Variants in ZNF385B observed in about 807,000 individuals in gnomAD.
ZNF385B encodes zinc finger protein 533.
In ZNF385B, 23 loss-of-function variants were observed where a neutral mutation model predicts 39.2. The ratio of observed to expected loss-of-function variants is 0.59; its 90% confidence interval spans 0.42 to 0.83. ZNF385B has a LOEUF of 0.83. ZNF385B is among the 40% of genes least tolerant of loss of function. The probability of loss-of-function intolerance (pLI) is 0.00; values close to 1 mark genes in which losing one functional copy is unlikely to be tolerated. For synonymous variants in ZNF385B, 205 were observed against 222.6 expected, an observed-to-expected ratio of 0.92 and a Z score of 0.70; for missense variants, 552 against 598.9, an observed-to-expected ratio of 0.92 and a Z score of 0.82.
intron 1 of ZNF385B, among the ~76,000 whole-genome samples, chr2:179,803,252 A>G (rs1043522421): frequency 5.3e-5 from 8 of 152,160 alleles, no homozygotes. Context: ...GACACAGGGC[A>G]TATGTCTTCT....
At chr2:179,787,621 T>C (rs1479918743) in intron 1 of ZNF385B, among the ~76,000 whole-genome samples, 4 of 152,154 alleles carry the variant, frequency 2.6e-5, no homozygotes, top group Non-Finnish European at 4.4e-5. Context: ...TGTTAGACAC[T>C]AGTAAAATAT....
Position 179,443,466 on chromosome 2 carries a change from T to C in ZNF385B, c.1245A>G (p.Ala415=). ...TCATATCTTTCTGGAATGCAAGTTTTGCCTAAGGGAGGGAGAAAACCAGGA... is the reference window on the plus strand; with the variant it reads ...TCATATCTTTCTGGAATGCAAGTTTCGCCTAAGGGAGGGAGAAAACCAGGA... ...KLQRSPSILA[A]KLAFQKDMMK... is the part of the protein sequence containing the mutation. Residue 415 remains alanine (A), a splice_region_variant and synonymous_variant, in exon 10 of 10, where the codon GCA becomes GCG. Transcript: ENST00000410066. 1.3e-6 allele frequency: 2 copies of C among 1,591,930 alleles called. No homozygotes were observed. Among genetic ancestry groups the C allele is most frequent in the Non-Finnish European group, 1.7e-6 (2 of 1,168,614 alleles).
At chr2:179,680,671 C>CT (rs1045013120) in intron 3 of ZNF385B, among the ~76,000 whole-genome samples, 1 of 152,056 alleles carries the variant, frequency 6.6e-6, no homozygotes, top group African/African-American at 2.4e-5. Context: ...AAATATTCTT[C>CT]TTTTTTGACT....
At chr2:179,554,389 G>A (rs546431211) in intron 3 of ZNF385B, among the ~76,000 whole-genome samples, 1 of 148,940 alleles carries the variant, frequency 6.7e-6, no homozygotes, top group South Asian at 2.2e-4. Context: ...GTGTTTGAGG[G>A]GTATATATGG....
intron 1 of ZNF385B, among the ~76,000 whole-genome samples, chr2:179,803,541 A>G (rs963729677): frequency 3.3e-5 from 5 of 152,214 alleles, no homozygotes; most frequent in Non-Finnish European, 7.3e-5. Flanking sequence ...TGTCTAATTA[A>G]TGGAACAGCT....
chr2:179,633,452 C>T (rs114849642), intron 3 of ZNF385B, among the ~76,000 whole-genome samples: 5,620 of 152,202 alleles, frequency 0.037, 143 homozygotes, highest in Middle Eastern at 0.065. Context: ...ATGACAAAAA[C>T]ACCTGATTAT....
intron 3 of ZNF385B, among the ~76,000 whole-genome samples, chr2:179,599,518 TG>T (rs1433416103): frequency 2.0e-5 from 3 of 152,360 alleles, no homozygotes; most frequent in East Asian, 1.9e-4. Flanking sequence ...AAAATAAGAA[TG>T]TTTTTATAGT....
At chr2:179,718,601 T>C (rs1332946951) in intron 3 of ZNF385B, among the ~76,000 whole-genome samples, 1 of 150,172 alleles carries the variant, frequency 6.7e-6, no homozygotes, top group African/African-American at 2.4e-5. Context: ...TATACTTAAA[T>C]GTACTACTTT....
At chr2:179,557,950 A>G (rs1204473739) in intron 3 of ZNF385B, among the ~76,000 whole-genome samples, 1 of 152,142 alleles carries the variant, frequency 6.6e-6, no homozygotes, top group Non-Finnish European at 1.5e-5. Flanking sequence ...GGAAAAAAAG[A>G]GATGAACAAA....
intron 3 of ZNF385B, among the ~76,000 whole-genome samples, chr2:179,767,905 AAT>A (rs1025735550): frequency 6.7e-6 from 1 of 148,436 alleles, no homozygotes; most frequent in Non-Finnish European, 1.5e-5. Context: ...CCTAACACTA[AAT>A]ATATATATAA....
intron 3 of ZNF385B, among the ~76,000 whole-genome samples, chr2:179,730,395 C>T (rs1701313545): frequency 6.6e-6 from 1 of 152,182 alleles, no homozygotes; most frequent in African/African-American, 2.4e-5. Context: ...ATAATAGGAA[C>T]ATTTCAATAT....
At chr2:179,732,856 T>C (rs1701483728) in intron 3 of ZNF385B, among the ~76,000 whole-genome samples, 1 of 152,220 alleles carries the variant, frequency 6.6e-6, no homozygotes, top group East Asian at 1.9e-4. Flanking sequence ...CATTTGCAGA[T>C]TTAAGGTATG....
intron 8 of ZNF385B, 110 bp from the exon 9 acceptor site, chr2:179,445,087 C>T (rs1259430228): frequency 7.9e-6 from 7 of 891,664 alleles, no homozygotes; most frequent in African/African-American, 3.3e-5. Flanking sequence ...CATAGTTCCA[C>T]GATGGTGTGG....
intron 3 of ZNF385B, among the ~76,000 whole-genome samples, chr2:179,630,511 C>G (rs770117440): frequency 6.6e-6 from 1 of 152,168 alleles, no homozygotes; most frequent in Non-Finnish European, 1.5e-5. Context: ...AAAACCCCAT[C>G]TGTAGGTCAC....
intron 3 of ZNF385B, among the ~76,000 whole-genome samples, chr2:179,752,156 T>G (rs1464193249): frequency 6.6e-6 from 1 of 152,072 alleles, no homozygotes; most frequent in Non-Finnish European, 1.5e-5. Context: ...CATTGTTCAA[T>G]TCCCACCTAT....
rs1437092415 is a variant in ZNF385B, at chr2:179,619,550, A to G, written c.299-74581T>C. On this transcript the variant is annotated intron_variant, in intron 3 of 9. Transcript: ENST00000410066. The stretch of plus-strand genomic sequence containing the variant: ...AAACCTCTAGGGTTCCACACAGCAG[A>G]GCTGAAAAAGAAACAGTGATACTTT... Among the ~76,000 whole-genome samples, 3 of 152,214 alleles carry G rather than the reference A, an allele frequency of 2.0e-5. No homozygotes were observed. The East Asian group carries it at 5.8e-4, about 29-fold the overall frequency.
intron 4 of ZNF385B, among the ~76,000 whole-genome samples, chr2:179,523,348 G>GT (rs574497139): frequency 0.45 from 48,451 of 108,302 alleles, 9,711 homozygotes; most frequent in East Asian, 0.59. Flanking sequence ...ATCTGTGTGC[G>GT]TTTTTTTTTT....
At chr2:179,687,642 A>G (rs1480691456) in intron 3 of ZNF385B, among the ~76,000 whole-genome samples, 1 of 152,182 alleles carries the variant, frequency 6.6e-6, no homozygotes, top group Non-Finnish European at 1.5e-5. Flanking sequence ...TCATGGGAAC[A>G]TTGAGCAGTG....
intron 9 of ZNF385B, among the ~76,000 whole-genome samples, chr2:179,444,536 T>G (rs1453369556): frequency 6.6e-6 from 1 of 152,230 alleles, no homozygotes. Context: ...TTTTGTTTTA[T>G]GAAAGAAATC....
Sources: gnomAD v4.1 joint callset for allele counts (sites outside exome capture counted in the v4.1 genomes callset) on GRCh38, gnomAD v4.1.1 for gene constraint, MANE v1.5 for transcripts, NCBI Gene and HGNC (gene_info 2026-07-23, HGNC 2026-07-21) for gene names.